The following PRCD variants were observed in gnomAD, a reference collection of about 807,000 sequenced individuals.
PRCD encodes the protein photoreceptor disk component PRCD.
In PRCD, 12 loss-of-function variants were observed where a neutral mutation model predicts 10.1. The ratio of observed to expected loss-of-function variants is 1.18; its 90% confidence interval spans 0.76 to 1.92. PRCD has a LOEUF of 1.92. PRCD is among the 40% of genes most tolerant of loss of function. The pLI, the probability that PRCD is intolerant of heterozygous loss-of-function variation, is 0.00. For missense variants in PRCD, 61 were observed against 72.2 expected (o/e 0.84, Z 0.56); for synonymous variants, 31 against 26.2 (o/e 1.18, Z -0.56).
intron 1 of PRCD, among the ~76,000 whole-genome samples, chr17:76,534,068 CTG>C (rs1292150271): frequency 1.4e-5 from 2 of 147,350 alleles, no homozygotes; most frequent in Non-Finnish European, 3.0e-5. Flanking sequence ...TATTTGCCTG[CTG>C]TGTTACAATG....
In PRCD at chr17:76,531,301, A is replaced by T. The variant is rs1029226047; in HGVS notation, n.45+3468A>T. Among the ~76,000 whole-genome samples, 3 of 152,144 alleles carry T rather than the reference A, an allele frequency of 2.0e-5. No individual in the cohort carries two copies. The highest frequency in any genetic ancestry group is 7.2e-5 in the African/African-American group (3 of 41,440). On this transcript the variant is annotated intron_variant and non_coding_transcript_variant, in intron 1 of 4. Transcript: ENST00000397633. The surrounding 1 kb of genome is among the most constrained non-coding windows in gnomAD (Gnocchi z 7.4). The stretch of plus-strand genomic sequence containing the variant: ...GCTCTCAGGACAAGGGTTGCCCTGG[A>T]CCCAGCCCCTCCATCCTGCTGCCGG...
chr17:76,529,977 T>C, intron 1 of PRCD: 1 of 985,290 alleles, frequency 1.0e-6, no homozygotes, highest in Non-Finnish European at 1.2e-6. Flanking sequence ...GCAGGAGGCC[T>C]GGCGTCCCCA....
upstream of PRCD, among the ~76,000 whole-genome samples, chr17:76,535,345 G>A (rs1332803888): frequency 6.6e-6 from 1 of 152,172 alleles, no homozygotes; most frequent in African/African-American, 2.4e-5. Flanking sequence ...TGTTGTGTGT[G>A]GGAAGACAGG....
upstream of PRCD, chr17:76,538,593 G>A (rs1480465236): frequency 6.9e-6 from 3 of 431,932 alleles, no homozygotes; most frequent in Non-Finnish European, 9.6e-6. Flanking sequence ...GACAGGACCT[G>A]GCAGACAAAA....
chr17:76,542,731 G>A, intron 3 of PRCD, 98 bp downstream of exon 3: 2 of 783,194 alleles, frequency 2.6e-6, no homozygotes, highest in Non-Finnish European at 2.2e-6. Context: ...ATAGCAGGCA[G>A]TGTTCAGCTC....
At position 76,531,385 on chromosome 17, in the gene PRCD, G is replaced by A. The variant is rs1049066189; in HGVS notation, n.45+3552G>A. 6.6e-5 allele frequency: 100 copies of A among 1,525,526 alleles called. No homozygotes were observed. The highest frequency in any genetic ancestry group is 8.3e-5 in the Non-Finnish European group (93 of 1,117,436). 94.5% of individuals were successfully genotyped at this position (1,525,526 alleles called of 1,614,324 possible). ...ATCACCTCTGTTGCTCCAGAGAGCC[G>A]TCGCAGAGCCTGCGAGCTGCAGATG... On this transcript the variant is annotated intron_variant and non_coding_transcript_variant, in intron 1 of 4. Coordinates refer to the PRCD transcript ENST00000397633. This position sits in a 1 kb window ranked among gnomAD's most constrained non-coding sequence, Gnocchi z 7.4.
chr17:76,551,063 T>C (rs1024068263), intron 1 of PRCD: 1 of 152,366 alleles, frequency 6.6e-6, no homozygotes, highest in Admixed American at 6.5e-5. Context: ...TTGCAGACAA[T>C]GTGCTAATCC....
upstream of PRCD, chr17:76,538,542 G>A (rs1296234843): frequency 6.5e-6 from 3 of 464,386 alleles, no homozygotes; most frequent in South Asian, 4.7e-5. Context: ...TTCTAGCCCA[G>A]CTGGTGGCGG....
chr17:76,544,850 A>G lies in PRCD; in HGVS notation c.*1200A>G. 4.4e-6 allele frequency: 2 copies of G among 456,786 alleles called. No individual in the cohort carries two copies. The highest frequency in any genetic ancestry group is 3.1e-5 in the South Asian group (2 of 64,576). 28.3% of individuals were successfully genotyped at this position (456,786 alleles called of 1,614,324 possible). On this transcript the variant is annotated 3_prime_UTR_variant, in exon 5 of 5. Coordinates refer to ENST00000592014, the MANE Select transcript of PRCD (RefSeq NM_001077620.3). ...AGGAATTGTCAGGCCAAGGTCATGG[A>G]GCTGGCTCACGGCCCAGACGCACTT...
chr17:76,540,258 G>GA lies in PRCD; in HGVS notation c.74+43_74+44insA, dbSNP rs765737108. Reference sequence around the variant, plus strand: ...CTATGGCTGGCGGTTGGTCGGGGGGGGGGGGCATGGGGCTGGGCTGCCACC... The same window carrying GA: ...CTATGGCTGGCGGTTGGTCGGGGGGGAGGGGGCATGGGGCTGGGCTGCCACC... On this transcript the variant is annotated intron_variant, in intron 1 of 4. Coordinates refer to ENST00000592014, the MANE Select transcript of PRCD (RefSeq NM_001077620.3). This position sits in a 1 kb window ranked among gnomAD's most constrained non-coding sequence, Gnocchi z 5.0. 1.8e-6 allele frequency: 2 copies of GA among 1,100,862 alleles called. 1 individual carries two copies. Among genetic ancestry groups the GA allele is most frequent in the Non-Finnish European group, 2.7e-6 (2 of 739,878 alleles). The allele number at this position is 1,100,862 out of a possible 1,614,324, so 68.2% of individuals were successfully genotyped here. A position where few individuals can be genotyped will look rare whatever the true frequency, so the allele number is the denominator to read the frequency against.
chr17:76,539,780 C>T (rs1460052359), upstream of PRCD, among the ~76,000 whole-genome samples: 2 of 152,224 alleles, frequency 1.3e-5, no homozygotes, highest in Admixed American at 6.5e-5. Context: ...CTGTAGGCGC[C>T]TTGAATAACT....
At position 76,544,660 on chromosome 17, in the gene PRCD, G is replaced by A. The variant is rs971307074; in HGVS notation, c.*1010G>A. On this transcript the variant is annotated 3_prime_UTR_variant, in exon 5 of 5. Transcript: ENST00000592014. ...GCCTGTCTCTCTCTTTGGAGGCATC[G>A]GCCTTCCTGGTGACAGGCCTGTCAG... 3.5e-5 allele frequency: 16 copies of A among 456,660 alleles called. No homozygotes were observed. The highest frequency in any genetic ancestry group is 5.7e-5 in the Non-Finnish European group (13 of 226,992). 28.3% of individuals were successfully genotyped at this position (456,660 alleles called of 1,614,324 possible).
At chr17:76,529,465 G>A (rs370195391) in intron 1 of PRCD, 6 of 985,448 alleles carry the variant, frequency 6.1e-6, no homozygotes, top group East Asian at 2.3e-4. Flanking sequence ...AGGGCAGGAC[G>A]GGCAGCGTGC....
In PRCD at chr17:76,540,257, GGGGGGGCATGGGGCT is replaced by G; in HGVS notation, c.74+46_74+60del. 1.7e-6 allele frequency: 2 copies of G among 1,159,348 alleles called. No individual in the cohort carries two copies. Among genetic ancestry groups the G allele is most frequent in the Non-Finnish European group, 2.5e-6 (2 of 793,076 alleles). The allele number at this position is 1,159,348 out of a possible 1,614,324, so 71.8% of individuals were successfully genotyped here. A position where few individuals can be genotyped will look rare whatever the true frequency, so the allele number is the denominator to read the frequency against. On this transcript the variant is annotated intron_variant, in intron 1 of 4. Transcript: ENST00000592014. The surrounding 1 kb of genome is among the most constrained non-coding windows in gnomAD (Gnocchi z 5.0). ...GCTATGGCTGGCGGTTGGTCGGGGG[GGGGGGGCATGGGGCT>G]GGGCTGCCACCAAGCTGAAGGTGGG...
chr17:76,529,379 G>A, intron 1 of PRCD: 1 of 985,446 alleles, frequency 1.0e-6, no homozygotes, highest in South Asian at 4.7e-5. Context: ...GAGCAGAAGT[G>A]GGCGGAGGAG....
intron 1 of PRCD, among the ~76,000 whole-genome samples, chr17:76,534,006 C>G (rs1308692543): frequency 1.3e-5 from 2 of 152,152 alleles, no homozygotes; most frequent in Non-Finnish European, 2.9e-5. Context: ...CCACCGTACT[C>G]CAGCTTGGGT....
chr17:76,536,572 C>T (rs1459639920), upstream of PRCD, among the ~76,000 whole-genome samples: 1 of 152,144 alleles, frequency 6.6e-6, no homozygotes, highest in Non-Finnish European at 1.5e-5. Context: ...GGACACATCA[C>T]CTCTATAAGG....
chr17:76,530,838 T>C lies in PRCD; in HGVS notation n.45+3005T>C. On this transcript the variant is annotated intron_variant and non_coding_transcript_variant, in intron 1 of 4. Coordinates refer to the PRCD transcript ENST00000397633. This position sits in a 1 kb window ranked among gnomAD's most constrained non-coding sequence, Gnocchi z 6.1. Reference sequence around the variant, plus strand: ...CTTTCCTATTATGCCTGTTCTTACATGTCAGACCCCAGGGTTGGCCTGCCT... The same window carrying C: ...CTTTCCTATTATGCCTGTTCTTACACGTCAGACCCCAGGGTTGGCCTGCCT... The C allele has an allele frequency of 3.4e-6, 3 of 883,100 alleles. No individual in the cohort carries two copies. The highest frequency in any genetic ancestry group is 5.0e-6 in the Non-Finnish European group (3 of 594,442). 54.7% of individuals were successfully genotyped at this position (883,100 alleles called of 1,614,324 possible). A position where few individuals can be genotyped will look rare whatever the true frequency, so the allele number is the denominator to read the frequency against.
rs1313378205 is a variant in PRCD, at chr17:76,541,959, C to T, written c.144-594C>T. Among the ~76,000 whole-genome samples, 7 of 152,278 alleles carry T rather than the reference C, an allele frequency of 4.6e-5. 1 individual carries two copies. In the South Asian group the frequency reaches 8.3e-4, roughly 18 times the overall value. The stretch of plus-strand genomic sequence containing the variant: ...GCTAGCAGCTGTCTTGTTTCATGCT[C>T]GGGACCTGTGCTTTAGTTTTCTCCA... On this transcript the variant is annotated intron_variant, in intron 2 of 4. Transcript: ENST00000592014.
Sources: allele counts gnomAD v4.1 joint callset (sites outside exome capture counted in the v4.1 genomes callset), GRCh38; gene constraint gnomAD v4.1.1; non-coding constraint Gnocchi (gnomAD v3.1); transcripts MANE v1.5; gene names NCBI Gene and HGNC (gene_info 2026-07-23, HGNC 2026-07-21).